Variants in NOCT observed in about 807,000 individuals in gnomAD.
NOCT encodes the protein CCR4 carbon catabolite repression 4-like.
NOCT carries 18 observed loss-of-function variants against 35.0 expected under a neutral mutation model. The observed-to-expected ratio is 0.51, with a 90% CI of 0.36 to 0.76. NOCT has a LOEUF of 0.76. NOCT is among the 30% of genes least tolerant of loss of function. The pLI is 0.01. For missense variants in NOCT, 479 were observed against 541.0 expected (o/e 0.89, Z 1.14); for synonymous variants, 235 against 226.3 (o/e 1.04, Z -0.34).
rs1185418601 is a variant in NOCT, at chr4:139,016,089, T to C, written c.108T>C (p.Ala36=). 2 of 1,390,530 alleles carry C rather than the reference T, an allele frequency of 1.4e-6. No homozygotes were observed. Among genetic ancestry groups the C allele is most frequent in the Admixed American group, 2.7e-5 (1 of 36,812 alleles). The allele number at this position is 1,390,530 out of a possible 1,614,324, so 86.1% of individuals were successfully genotyped here. The change falls in exon 1 of 3, where the codon GCT becomes GCC. Residue 36 remains alanine, a synonymous_variant. Coordinates refer to ENST00000280614, the MANE Select transcript of NOCT (RefSeq NM_012118.4). ...TGCGCCGCCCGTTGTCCCCGCCGGC[T>C]GCTGTTCCCAGGCCCGCATCCCCCC... ...PGLRRPLSPP[A]AVPRPASPRL...
intron 1 of NOCT, among the ~76,000 whole-genome samples, chr4:139,027,644 C>T (rs530229449): frequency 0.011 from 1,612 of 152,066 alleles, 19 homozygotes; most frequent in Non-Finnish European, 0.019. Flanking sequence ...GGACTACAGG[C>T]GCCCACCACT....
chr4:139,027,874 C>G (rs1392131261), intron 1 of NOCT, among the ~76,000 whole-genome samples: 2 of 152,062 alleles, frequency 1.3e-5, no homozygotes, highest in African/African-American at 2.4e-5. Context: ...AGGTTCCCCC[C>G]CTCCCCCTAC....
intron 1 of NOCT, among the ~76,000 whole-genome samples, chr4:139,022,003 C>T (rs1169136775): frequency 6.6e-6 from 1 of 152,180 alleles, no homozygotes; most frequent in African/African-American, 2.4e-5. Context: ...AGGTGATACA[C>T]CCGCCTTGGC....
chr4:139,037,198 C>T (rs1726752155), intron 1 of NOCT, among the ~76,000 whole-genome samples: 1 of 152,198 alleles, frequency 6.6e-6, no homozygotes, highest in Non-Finnish European at 1.5e-5. Flanking sequence ...TAAACACTTC[C>T]TAATGATTCC....
At chr4:139,019,403 A>G (rs1181468952) in intron 1 of NOCT, among the ~76,000 whole-genome samples, 1 of 152,190 alleles carries the variant, frequency 6.6e-6, no homozygotes, top group African/African-American at 2.4e-5. Context: ...CTGTAGACCT[A>G]TTAAGTCTGA....
In NOCT at chr4:139,045,735, C is replaced by G; in HGVS notation, c.*261C>G. The G allele has an allele frequency of 3.3e-6, 1 of 305,872 alleles. No individual in the cohort carries two copies. Among genetic ancestry groups the G allele is most frequent in the Non-Finnish European group, 6.0e-6 (1 of 166,354 alleles). The allele number at this position is 305,872 out of a possible 1,614,324, so 18.9% of individuals were successfully genotyped here. A position where few individuals can be genotyped will look rare whatever the true frequency, so the allele number is the denominator to read the frequency against. On this transcript the variant is annotated 3_prime_UTR_variant, in exon 3 of 3. Coordinates refer to ENST00000280614, the MANE Select transcript of NOCT (RefSeq NM_012118.4). ...GTTTCACCGTGTTAGCCAGGATGGTCTCGATCTCCTGACCTTGAATCACAA... is the reference window on the plus strand; with the variant it reads ...GTTTCACCGTGTTAGCCAGGATGGTGTCGATCTCCTGACCTTGAATCACAA...
intron 1 of NOCT, among the ~76,000 whole-genome samples, chr4:139,024,759 G>C (rs1726481907): frequency 6.6e-6 from 1 of 152,064 alleles, no homozygotes; most frequent in Non-Finnish European, 1.5e-5. Flanking sequence ...GCCTGGCCCA[G>C]TAATACAACA....
intron 1 of NOCT, among the ~76,000 whole-genome samples, chr4:139,039,939 G>A (rs1340673199): frequency 6.6e-6 from 1 of 152,010 alleles, no homozygotes; most frequent in Non-Finnish European, 1.5e-5. Context: ...CGTAGGCCAG[G>A]CTGATGTTGA....
intron 2 of NOCT, 137 bp from the exon 3 acceptor site, chr4:139,044,502 C>A (rs553022940): frequency 3.3e-6 from 2 of 611,556 alleles, no homozygotes; most frequent in Admixed American, 5.8e-5. Flanking sequence ...TGGGGTAATA[C>A]AGTTTGGACA....
Position 139,016,148 on chromosome 4 carries a change from C to T in NOCT, c.167C>T (p.Ala56Val), listed in dbSNP as rs1726294190. ...LLAAASAASG[A>V]ARSCSRTVCS... ...GCGGCGGCCTCGGCGGCCTCGGGCG[C>T]CGCGAGGTCGTGTTCCCGAACAGGT... The change falls in exon 1 of 3, where the codon GCC (alanine) becomes GTC (valine). Residue 56 changes from alanine to valine, a missense_variant. Physicochemically the swap from Ala to Val is moderately conservative, Grantham distance 64. Coordinates refer to ENST00000280614, the MANE Select transcript of NOCT (RefSeq NM_012118.4). 5 of 1,273,286 alleles carry T rather than the reference C, an allele frequency of 3.9e-6. 1 individual carries two copies. The highest frequency in any genetic ancestry group is 1.6e-5 in the African/African-American group (1 of 64,402). 78.9% of individuals were successfully genotyped at this position (1,273,286 alleles called of 1,614,324 possible).
chr4:139,020,201 A>T (rs1726382291), intron 1 of NOCT, among the ~76,000 whole-genome samples: 1 of 152,164 alleles, frequency 6.6e-6, no homozygotes, highest in Admixed American at 6.5e-5. Context: ...CACACACTTA[A>T]CATTTGTAAA....
intron 1 of NOCT, among the ~76,000 whole-genome samples, chr4:139,031,376 C>T (rs1490631698): frequency 5.3e-5 from 8 of 152,010 alleles, no homozygotes; most frequent in African/African-American, 1.9e-4. Flanking sequence ...GTCTCGATCT[C>T]CTGACCTCGT....
At chr4:139,024,783 T>C in intron 1 of NOCT, among the ~76,000 whole-genome samples, 1 of 152,160 alleles carries the variant, frequency 6.6e-6, no homozygotes, top group South Asian at 2.1e-4. Flanking sequence ...ACTGTATTTT[T>C]AGTAGAGACA....
intron 1 of NOCT, among the ~76,000 whole-genome samples, chr4:139,033,536 G>T (rs1410323484): frequency 6.6e-6 from 1 of 152,018 alleles, no homozygotes; most frequent in Non-Finnish European, 1.5e-5. Flanking sequence ...ATTAGCCAGG[G>T]TGGTGGCATA....
At chr4:139,030,533 C>T (rs981431853) in intron 1 of NOCT, among the ~76,000 whole-genome samples, 40 of 152,260 alleles carry the variant, frequency 2.6e-4, no homozygotes, top group African/African-American at 8.4e-4. Flanking sequence ...TCCAAGGGTA[C>T]CCTAAGTAGG....
At chr4:139,021,860 G>A (rs955016599) in intron 1 of NOCT, among the ~76,000 whole-genome samples, 1 of 151,612 alleles carries the variant, frequency 6.6e-6, no homozygotes, top group East Asian at 1.9e-4. Context: ...CCGGGTTCAA[G>A]CAATTCTCCT....
intron 1 of NOCT, among the ~76,000 whole-genome samples, chr4:139,032,556 G>T (rs922872167): frequency 2.0e-5 from 3 of 152,160 alleles, no homozygotes; most frequent in Admixed American, 6.5e-5. Flanking sequence ...AAAATGAATT[G>T]TGAGCAGAAG....
chr4:139,021,748 A>C (rs997004135), intron 1 of NOCT, among the ~76,000 whole-genome samples: 3 of 137,398 alleles, frequency 2.2e-5, no homozygotes, highest in Non-Finnish European at 4.6e-5. Context: ...ACTGGTGACT[A>C]ATTACAGTTT....
chr4:139,042,284 G>T (rs551182828), intron 1 of NOCT, among the ~76,000 whole-genome samples: 1 of 151,924 alleles, frequency 6.6e-6, no homozygotes, highest in East Asian at 1.9e-4. Flanking sequence ...GGCCAGGCTG[G>T]TCTCGAACTC....
Sources: allele counts gnomAD v4.1 joint callset (sites outside exome capture counted in the v4.1 genomes callset), GRCh38; gene constraint gnomAD v4.1.1; transcripts MANE v1.5; gene names NCBI Gene and HGNC (gene_info 2026-07-23, HGNC 2026-07-21).